FMN1: variants seen among roughly 807,000 people sequenced by gnomAD.
FMN1 encodes formin-1.
A neutral mutation model predicts 132.4 loss-of-function variants in FMN1; 110 were observed. The ratio of observed to expected loss-of-function variants is 0.83; its 90% confidence interval spans 0.71 to 0.97. The LOEUF (loss-of-function observed/expected upper bound fraction) is 0.97, where lower values mean the gene tolerates loss of function less well. FMN1 is among the 50% of genes least tolerant of loss of function. The pLI, the probability that FMN1 is intolerant of heterozygous loss-of-function variation, is 0.00. For synonymous variants in FMN1, 722 were observed against 651.7 expected (o/e 1.11, Z -1.64); for missense variants, 1,792 against 1,705.3 (o/e 1.05, Z -0.90).
intron 17 of FMN1, among the ~76,000 whole-genome samples, chr15:32,844,238 G>A (rs2058809207): frequency 1.3e-5 from 2 of 152,194 alleles, no homozygotes; most frequent in African/African-American, 2.4e-5. Context: ...TTATAGTGGC[G>A]TTCACTATCT....
intron 19 of FMN1, among the ~76,000 whole-genome samples, chr15:32,797,093 ACT>A (rs10605785): frequency 0.078 from 11,863 of 152,274 alleles, 532 homozygotes; most frequent in Middle Eastern, 0.11. Context: ...AATCAGAGAT[ACT>A]GTCATTTTGA....
intron 4 of FMN1, among the ~76,000 whole-genome samples, chr15:33,115,524 A>C (rs2039890829): frequency 6.8e-6 from 1 of 146,912 alleles, no homozygotes; most frequent in African/African-American, 2.5e-5. Flanking sequence ...GCACACACAC[A>C]AACTTGCTGT....
chr15:32,928,360 T>C (rs1460298220), intron 9 of FMN1, among the ~76,000 whole-genome samples: 2 of 152,076 alleles, frequency 1.3e-5, no homozygotes, highest in Admixed American at 1.3e-4. Flanking sequence ...ATACAATATC[T>C]TCCTTAAAAA....
At chr15:32,776,518 T>G (rs537112667) in intron 20 of FMN1, among the ~76,000 whole-genome samples, 22 of 152,288 alleles carry the variant, frequency 1.4e-4, no homozygotes, top group Middle Eastern at 3.4e-3. Flanking sequence ...ATGAATATAT[T>G]TAAACATTTT....
chr15:33,160,245 C>A (rs1964835106), intron 3 of FMN1, among the ~76,000 whole-genome samples: 1 of 152,114 alleles, frequency 6.6e-6, no homozygotes, highest in Non-Finnish European at 1.5e-5. Context: ...GTGGCACATA[C>A]ATGGGATGGA....
intron 7 of FMN1, among the ~76,000 whole-genome samples, chr15:33,004,470 C>A (rs192627990): frequency 2.6e-5 from 4 of 152,312 alleles, no homozygotes; most frequent in East Asian, 1.9e-4. Flanking sequence ...CAGAGAAATG[C>A]AAAGCAGAAC....
At chr15:32,950,000 T>C (rs553786408) in intron 9 of FMN1, among the ~76,000 whole-genome samples, 1 of 20,586 alleles carries the variant, frequency 4.9e-5, no homozygotes, top group Non-Finnish European at 8.3e-5. Flanking sequence ...TATATACACA[T>C]ACACATATAT....
At chr15:32,916,125 T>C (rs892009780) in intron 10 of FMN1, among the ~76,000 whole-genome samples, 1 of 152,182 alleles carries the variant, frequency 6.6e-6, no homozygotes, top group Admixed American at 6.5e-5. Context: ...CAGATCAGTA[T>C]CACAAATTCA....
At chr15:32,979,575 AAAAAG>A (rs1567499402) in intron 7 of FMN1, among the ~76,000 whole-genome samples, 1 of 151,588 alleles carries the variant, frequency 6.6e-6, no homozygotes, top group African/African-American at 2.4e-5. Flanking sequence ...AAAAAAAAAA[AAAAAG>A]AAACCATTCA....
intron 4 of FMN1, among the ~76,000 whole-genome samples, chr15:33,106,761 T>C (rs1003222114): frequency 6.6e-5 from 10 of 152,060 alleles, no homozygotes; most frequent in African/African-American, 2.2e-4. Flanking sequence ...CTCTACTCAC[T>C]AGTTAATAGT....
chr15:32,959,171 T>G (rs2030206973), intron 9 of FMN1, among the ~76,000 whole-genome samples: 1 of 152,200 alleles, frequency 6.6e-6, no homozygotes, highest in Admixed American at 6.5e-5. Flanking sequence ...TGTTCAGTCA[T>G]TATAAAAAGA....
At chr15:33,048,644 A>AACAAAAAAAAAAAAAAAAACAAAAAC (rs1555388955) in intron 6 of FMN1, among the ~76,000 whole-genome samples, 4 of 86,912 alleles carry the variant, frequency 4.6e-5, no homozygotes, top group Non-Finnish European at 9.5e-5. Flanking sequence ...AAAAAAAAAA[A>AACAAAAAAAAAAAAAAAAACAAAAAC]AAAAACCAAC....
intron 19 of FMN1, among the ~76,000 whole-genome samples, chr15:32,798,513 A>T (rs186345699): frequency 2.0e-5 from 3 of 152,356 alleles, no homozygotes; most frequent in African/African-American, 7.2e-5. Flanking sequence ...GAAAATACAC[A>T]GAGAAGCAAT....
intron 2 of FMN1, among the ~76,000 whole-genome samples, chr15:33,182,442 G>A (rs955938422): frequency 3.3e-5 from 5 of 152,120 alleles, no homozygotes; most frequent in Admixed American, 6.5e-5. Flanking sequence ...TTGACTAATC[G>A]CCCTCAACCT....
chr15:32,869,538 G>A (rs1267087984), intron 16 of FMN1, among the ~76,000 whole-genome samples: 7 of 152,212 alleles, frequency 4.6e-5, no homozygotes, highest in African/African-American at 1.7e-4. Flanking sequence ...AAAGTCTGCA[G>A]TCTGGGACTC....
Position 33,041,415 on chromosome 15 carries a change from A to G in FMN1, c.2161+23542T>C, listed in dbSNP as rs567517382. On this transcript the variant is annotated intron_variant, in intron 6 of 20. Coordinates refer to ENST00000616417, the MANE Select transcript of FMN1 (RefSeq NM_001277313.2). ...TAAAAAAAAAAAAAAAAGACTGGAAAAAAATAGTTACTATTCACTTCTTTT... is the reference window on the plus strand; with the variant it reads ...TAAAAAAAAAAAAAAAAGACTGGAAGAAAATAGTTACTATTCACTTCTTTT... Among the ~76,000 whole-genome samples the G allele has an allele frequency of 2.0e-5, 3 of 150,482 alleles. No individual in the cohort carries two copies. The South Asian group carries it at 6.3e-4, about 31-fold the overall frequency.
At chr15:32,776,775 T>C in intron 20 of FMN1, 60 bp downstream of exon 20, 4 of 1,024,178 alleles carry the variant, frequency 3.9e-6, no homozygotes, top group Non-Finnish European at 6.0e-6. Context: ...CTTTAGCCCT[T>C]CCTGGGCGCA....
intron 5 of FMN1, chr15:33,066,931 T>G: frequency 1.9e-6 from 3 of 1,613,990 alleles, no homozygotes; most frequent in Non-Finnish European, 8.5e-7. Context: ...CTGCCTGCAC[T>G]AAGGACTTCT....
intron 12 of FMN1, among the ~76,000 whole-genome samples, chr15:32,904,061 G>A (rs923542775): frequency 6.6e-6 from 1 of 152,130 alleles, no homozygotes; most frequent in Admixed American, 6.5e-5. Context: ...GTGTGTCAGG[G>A]ACCATGCGAA....
Sources: allele counts gnomAD v4.1 joint callset (sites outside exome capture counted in the v4.1 genomes callset), GRCh38; gene constraint gnomAD v4.1.1; transcripts MANE v1.5; gene names NCBI Gene and HGNC (gene_info 2026-07-23, HGNC 2026-07-21).